MYO16: variants seen among roughly 807,000 people sequenced by gnomAD.
MYO16 encodes the protein myosin XVI, also known as unconventional myosin-XVI.
A neutral mutation model predicts 205.3 loss-of-function variants in MYO16; 94 were observed. The ratio of observed to expected loss-of-function variants is 0.46; its 90% CI spans 0.39 to 0.54. MYO16 has a LOEUF of 0.54. MYO16 is among the 20% of genes least tolerant of loss of function. The pLI is 0.00. For missense variants in MYO16, 2,315 were observed against 2,387.5 expected, an observed-to-expected ratio of 0.97 and a Z score of 0.63; for synonymous variants, 988 against 954.0, an observed-to-expected ratio of 1.04 and a Z score of -0.66.
chr13:108,530,872 A>G, the MYO16 span, among the ~76,000 whole-genome samples: 4 of 152,172 alleles, frequency 2.6e-5, no homozygotes, highest in Non-Finnish European at 5.9e-5. Flanking sequence ...ACATGATGCT[A>G]TCAACTCTAT....
chr13:108,619,452 C>G (rs1879461046), intron 1 of MYO16, among the ~76,000 whole-genome samples: 1 of 152,156 alleles, frequency 6.6e-6, no homozygotes, highest in Non-Finnish European at 1.5e-5. Context: ...CTTTCCTTCT[C>G]TTGACACTTT....
At chr13:108,665,443 C>A (rs571581385) in intron 1 of MYO16, among the ~76,000 whole-genome samples, 1 of 151,976 alleles carries the variant, frequency 6.6e-6, no homozygotes, top group Admixed American at 6.6e-5. Flanking sequence ...AAATTAACAG[C>A]GTCATGATTA....
intron 1 of MYO16, among the ~76,000 whole-genome samples, chr13:108,609,432 C>CACAT (rs1879089823): frequency 6.6e-6 from 1 of 152,190 alleles, no homozygotes; most frequent in Non-Finnish European, 1.5e-5. Flanking sequence ...CTGCTCACGG[C>CACAT]ACATACACCA....
intron 15 of MYO16, among the ~76,000 whole-genome samples, chr13:108,907,341 G>C (rs1397936699): frequency 1.3e-5 from 2 of 152,120 alleles, no homozygotes; most frequent in Non-Finnish European, 2.9e-5. Flanking sequence ...CACTTGTAGA[G>C]AATTATAAGC....
chr13:109,134,781 A>G (rs1876693784), intron 31 of MYO16, among the ~76,000 whole-genome samples: 1 of 152,206 alleles, frequency 6.6e-6, no homozygotes, highest in African/African-American at 2.4e-5. Context: ...CCATCACCTC[A>G]GTCCCAAACA....
chr13:109,188,920 C>T (rs1879797420), intron 34 of MYO16, among the ~76,000 whole-genome samples: 2 of 152,046 alleles, frequency 1.3e-5, no homozygotes, highest in Non-Finnish European at 2.9e-5. Flanking sequence ...CTGGAGAAAA[C>T]CTGTCTCTAC....
chr13:108,637,662 GC>G (rs1245194632), intron 1 of MYO16, among the ~76,000 whole-genome samples: 6 of 152,038 alleles, frequency 3.9e-5, no homozygotes, highest in Non-Finnish European at 8.8e-5. Flanking sequence ...ATCACTTGAG[GC>G]CAGGAGTTTG....
chr13:109,083,109 G>A (rs927821810), intron 27 of MYO16, among the ~76,000 whole-genome samples: 4 of 151,996 alleles, frequency 2.6e-5, no homozygotes, highest in African/African-American at 7.3e-5. Flanking sequence ...CAGATCGGGC[G>A]AGGTAGCTCA....
intron 24 of MYO16, among the ~76,000 whole-genome samples, chr13:109,049,134 G>A (rs1035326504): frequency 8.3e-5 from 12 of 143,836 alleles, no homozygotes; most frequent in African/African-American, 2.9e-4. Flanking sequence ...TATAAGTTAG[G>A]TTATCCCTCT....
chr13:108,546,079 C>T, the MYO16 span, among the ~76,000 whole-genome samples: 4 of 152,120 alleles, frequency 2.6e-5, no homozygotes, highest in African/African-American at 7.2e-5. Context: ...CACTGTTCTG[C>T]GTGAGTGCAG....
At chr13:108,519,490 G>T in the MYO16 span, among the ~76,000 whole-genome samples, 1 of 151,498 alleles carries the variant, frequency 6.6e-6, no homozygotes, top group Non-Finnish European at 1.5e-5. Flanking sequence ...TAGTGGTTCT[G>T]TTCTCTTGAT....
the MYO16 span, among the ~76,000 whole-genome samples, chr13:108,507,942 A>T: frequency 6.6e-6 from 1 of 151,000 alleles, no homozygotes; most frequent in Admixed American, 6.6e-5. Context: ...TTTATAGTGA[A>T]TTTTTCAGCT....
chr13:108,500,700 A>T, the MYO16 span, among the ~76,000 whole-genome samples: 1 of 152,128 alleles, frequency 6.6e-6, no homozygotes, highest in African/African-American at 2.4e-5. Context: ...AATCTTCATC[A>T]TGCCCTGCCA....
In MYO16 at chr13:108,629,820, C is replaced by G. The variant is rs1267788378; in HGVS notation, c.-25C>G. On this transcript the variant is annotated 5_prime_UTR_variant, in exon 1 of 35. Coordinates refer to ENST00000457511, the MANE Select transcript of MYO16 (RefSeq NM_001198950.3). ...CAGAAGAGAATGCTGGAACCCGTAG[C>G]AAGATTCCTGTCTGAGATGGAAAGA... is the stretch of plus-strand genomic sequence containing the variant. 2 of 1,525,880 alleles carry G rather than the reference C, an allele frequency of 1.3e-6. No individual in the cohort carries two copies. The highest frequency in any genetic ancestry group is 1.8e-6 in the Non-Finnish European group (2 of 1,138,924). The allele number at this position is 1,525,880 out of a possible 1,614,324, so 94.5% of individuals were successfully genotyped here.
At chr13:108,808,644 C>T (rs1157229963) in intron 7 of MYO16, among the ~76,000 whole-genome samples, 1 of 151,968 alleles carries the variant, frequency 6.6e-6, no homozygotes, top group Non-Finnish European at 1.5e-5. Context: ...GGAAATTATG[C>T]TTCTAGTAAA....
At chr13:109,108,864 C>T (rs1889200877) in intron 28 of MYO16, among the ~76,000 whole-genome samples, 1 of 152,012 alleles carries the variant, frequency 6.6e-6, no homozygotes, top group African/African-American at 2.4e-5. Context: ...GCTGAGCCCC[C>T]GAGGTGAGGA....
At chr13:108,936,351 C>A (rs2139303715) in intron 16 of MYO16, among the ~76,000 whole-genome samples, 1 of 152,016 alleles carries the variant, frequency 6.6e-6, no homozygotes, top group East Asian at 1.9e-4. Flanking sequence ...TCAGTCTGGT[C>A]CAGAGCTTTT....
chr13:108,630,578 T>G (rs1879936499), intron 1 of MYO16, among the ~76,000 whole-genome samples: 1 of 152,246 alleles, frequency 6.6e-6, no homozygotes, highest in Non-Finnish European at 1.5e-5. Context: ...GGAAGACATA[T>G]TTATCCAAAA....
chr13:108,924,075 G>T (rs1881869813), intron 16 of MYO16, among the ~76,000 whole-genome samples: 1 of 152,070 alleles, frequency 6.6e-6, no homozygotes, highest in East Asian at 1.9e-4. Context: ...CATCAGTTTA[G>T]GGCCATAAAG....
Sources: gnomAD v4.1 joint callset for allele counts (sites outside exome capture counted in the v4.1 genomes callset) on GRCh38, gnomAD v4.1.1 for gene constraint, MANE v1.5 for transcripts, NCBI Gene and HGNC (gene_info 2026-07-23, HGNC 2026-07-21) for gene names.